The following SKAP1 variants were observed in gnomAD, a reference collection of about 807,000 sequenced individuals.
The protein encoded by SKAP1 is src kinase-associated phosphoprotein 1.
A neutral mutation model predicts 58.5 loss-of-function variants in SKAP1; 44 were observed. The ratio of observed to expected loss-of-function variants is 0.75; its 90% CI spans 0.59 to 0.97. SKAP1 has a LOEUF of 0.97. Among genes scored for constraint, SKAP1 ranks in the 50% least tolerant of loss-of-function variants. SKAP1 has a pLI of 0.00. For synonymous variants in SKAP1, 127 were observed against 149.7 expected, an observed-to-expected ratio of 0.85 and a Z score of 1.11; for missense variants, 390 against 435.2, an observed-to-expected ratio of 0.90 and a Z score of 0.92.
the SKAP1 span, among the ~76,000 whole-genome samples, chr17:48,439,883 G>A: frequency 6.6e-6 from 1 of 152,068 alleles, no homozygotes; most frequent in Admixed American, 6.5e-5. Flanking sequence ...CTTTTTTACT[G>A]CCCTTCATCT....
chr17:48,250,560 C>T (rs997352915), intron 4 of SKAP1, among the ~76,000 whole-genome samples: 5 of 151,896 alleles, frequency 3.3e-5, no homozygotes, highest in South Asian at 2.1e-4. Context: ...GGATTATAGG[C>T]GTCAGCCACC....
At chr17:48,214,966 T>TAAAATAAAATAAAATA (rs1269653448) in intron 4 of SKAP1, among the ~76,000 whole-genome samples, 1 of 150,716 alleles carries the variant, frequency 6.6e-6, no homozygotes, top group Non-Finnish European at 1.5e-5. Context: ...TAAAATAAAA[T>TAAAATAAAATAAAATA]AAACAGATGG....
intron 11 of SKAP1, among the ~76,000 whole-genome samples, chr17:48,146,221 G>A (rs904964485): frequency 1.3e-5 from 2 of 152,056 alleles, no homozygotes; most frequent in African/African-American, 2.4e-5. Context: ...GGCCGGAGAC[G>A]GTGGCTCACG....
At chr17:48,243,029 G>A (rs529505672) in intron 4 of SKAP1, among the ~76,000 whole-genome samples, 2 of 152,130 alleles carry the variant, frequency 1.3e-5, no homozygotes, top group Non-Finnish European at 2.9e-5. Context: ...CTAACTCTTC[G>A]AAGGAACATT....
intron 4 of SKAP1, among the ~76,000 whole-genome samples, chr17:48,296,032 C>A (rs1015563388): frequency 2.6e-5 from 4 of 151,996 alleles, no homozygotes; most frequent in African/African-American, 7.2e-5. Context: ...AAACAATACA[C>A]CTTTTCTAGG....
intron 1 of SKAP1, among the ~76,000 whole-genome samples, chr17:48,417,309 T>C (rs563814892): frequency 8.5e-5 from 13 of 152,258 alleles, no homozygotes; most frequent in African/African-American, 2.9e-4. Flanking sequence ...ACCTATATAC[T>C]CACAACACAG....
At chr17:48,149,552 G>T (rs1308269651) in intron 11 of SKAP1, among the ~76,000 whole-genome samples, 1 of 152,212 alleles carries the variant, frequency 6.6e-6, no homozygotes, top group South Asian at 2.1e-4. Flanking sequence ...GCACACATAG[G>T]CGTTTCCATG....
chr17:48,272,360 G>A (rs1421454351), intron 4 of SKAP1, among the ~76,000 whole-genome samples: 1 of 151,898 alleles, frequency 6.6e-6, no homozygotes, highest in Non-Finnish European at 1.5e-5. Flanking sequence ...TCGAACTCCT[G>A]ACCTCAGGTG....
intron 4 of SKAP1, among the ~76,000 whole-genome samples, chr17:48,244,757 TAAA>T (rs986100041): frequency 1.6e-4 from 24 of 152,194 alleles, no homozygotes; most frequent in African/African-American, 5.8e-4. Flanking sequence ...GAGATCCACT[TAAA>T]AGAAGATGCG....
chr17:48,239,656 G>C (rs1379597243), intron 4 of SKAP1, among the ~76,000 whole-genome samples: 1 of 152,004 alleles, frequency 6.6e-6, no homozygotes, highest in Non-Finnish European at 1.5e-5. Flanking sequence ...TGAGACCATT[G>C]GTCCATACAA....
chr17:48,432,462 G>A (rs1318394260), upstream of SKAP1, among the ~76,000 whole-genome samples: 3 of 151,794 alleles, frequency 2.0e-5, no homozygotes, highest in Admixed American at 6.6e-5. Context: ...AGAAAGTATA[G>A]CAATGGGCAG....
intron 4 of SKAP1, among the ~76,000 whole-genome samples, chr17:48,211,943 T>C (rs900964724): frequency 2.6e-5 from 4 of 151,172 alleles, no homozygotes; most frequent in Non-Finnish European, 5.9e-5. Context: ...CCCTAAAAAG[T>C]TGACACATTA....
At chr17:48,427,777 G>A (rs1432287462) in intron 1 of SKAP1, among the ~76,000 whole-genome samples, 1 of 151,760 alleles carries the variant, frequency 6.6e-6, no homozygotes, top group Non-Finnish European at 1.5e-5. Flanking sequence ...GTAATTCATT[G>A]TGGAAACCCC....
chr17:48,196,511 G>T (rs551029621), intron 4 of SKAP1, among the ~76,000 whole-genome samples: 1 of 152,280 alleles, frequency 6.6e-6, no homozygotes, highest in East Asian at 1.9e-4. Flanking sequence ...TCCAGGTAGT[G>T]AGCACAGTAC....
At chr17:48,158,736 G>C (rs1166891618) in intron 11 of SKAP1, among the ~76,000 whole-genome samples, 2 of 151,746 alleles carry the variant, frequency 1.3e-5, no homozygotes, top group African/African-American at 4.8e-5. Context: ...CGAGGCGGGC[G>C]GATCACGAGG....
chr17:48,393,412 C>G (rs1455112412), intron 2 of SKAP1, among the ~76,000 whole-genome samples: 1 of 152,074 alleles, frequency 6.6e-6, no homozygotes, highest in Non-Finnish European at 1.5e-5. Flanking sequence ...AACAGAATAG[C>G]TAAAGTGATT....
At chr17:48,160,859 A>G (rs1363985596) in intron 11 of SKAP1, among the ~76,000 whole-genome samples, 2 of 152,226 alleles carry the variant, frequency 1.3e-5, no homozygotes, top group African/African-American at 2.4e-5. Context: ...CACAAATTCT[A>G]TTACACGGCA....
At chr17:48,282,703 G>A (rs1421155766) in intron 4 of SKAP1, among the ~76,000 whole-genome samples, 1 of 152,082 alleles carries the variant, frequency 6.6e-6, no homozygotes, top group East Asian at 1.9e-4. Context: ...GAGCCTAGGA[G>A]GTCAAGGTTG....
chr17:48,315,079 G>A (rs749391537), intron 4 of SKAP1, among the ~76,000 whole-genome samples: 2 of 152,172 alleles, frequency 1.3e-5, no homozygotes, highest in Non-Finnish European at 2.9e-5. Context: ...TAAGCCTCAA[G>A]ATAGTTCAAT....
Sources: gnomAD v4.1 joint callset for allele counts (sites outside exome capture counted in the v4.1 genomes callset) on GRCh38, gnomAD v4.1.1 for gene constraint, MANE v1.5 for transcripts, NCBI Gene and HGNC (gene_info 2026-07-23, HGNC 2026-07-21) for gene names.